The following ANXA8 variants were observed in gnomAD, a reference collection of about 807,000 sequenced individuals.
ANXA8 encodes VAC-beta.
Under a neutral mutation model 26.8 loss-of-function variants are expected in ANXA8, and 9 were observed. The observed-to-expected ratio is 0.34, with a 90% confidence interval of 0.20 to 0.59. The LOEUF is 0.59. ANXA8 is among the 20% of genes least tolerant of loss of function. The pLI, the probability that ANXA8 is intolerant of heterozygous loss-of-function variation, is 0.84. For missense variants in ANXA8, 83 were observed against 238.5 expected (o/e 0.35, Z 4.29); for synonymous variants, 39 against 94.8 (o/e 0.41, Z 3.42).
chr10:47,587,971 C>T, the ANXA8 span, among the ~76,000 whole-genome samples: 4 of 144,756 alleles, frequency 2.8e-5, no homozygotes, highest in South Asian at 2.1e-4. Context: ...GTTTATCCCT[C>T]GAGCTGGCAC....
chr10:47,957,681 A>G, the ANXA8 span, among the ~76,000 whole-genome samples: 1 of 149,028 alleles, frequency 6.7e-6, no homozygotes, highest in African/African-American at 2.5e-5. Context: ...CCGAAATCAC[A>G]GTGTCACAGG....
the ANXA8 span, among the ~76,000 whole-genome samples, chr10:47,664,492 C>T: frequency 8.6e-5 from 13 of 151,608 alleles, 1 homozygote; most frequent in South Asian, 2.1e-4. Context: ...CGCTTGAACT[C>T]GGGAGGCGGA....
the ANXA8 span, among the ~76,000 whole-genome samples, chr10:47,682,388 C>G: frequency 6.9e-6 from 1 of 144,438 alleles, no homozygotes; most frequent in Non-Finnish European, 1.5e-5. Context: ...AAACAGGACA[C>G]CAGAAGGGCA....
the ANXA8 span, among the ~76,000 whole-genome samples, chr10:47,585,642 C>G: frequency 6.9e-6 from 1 of 145,034 alleles, no homozygotes; most frequent in East Asian, 2.0e-4. Context: ...AACCACCAGA[C>G]TGCAGTCAGT....
the ANXA8 span, among the ~76,000 whole-genome samples, chr10:47,686,925 C>T: frequency 8.7e-5 from 13 of 149,262 alleles, no homozygotes; most frequent in South Asian, 4.3e-4. Context: ...TTTGTGGGGG[C>T]GGGGGGGTTG....
chr10:47,956,488 ACTGTATGC>A, the ANXA8 span, among the ~76,000 whole-genome samples: 1 of 137,966 alleles, frequency 7.2e-6, no homozygotes, highest in South Asian at 2.4e-4. Context: ...ACAGCATGTG[ACTGTATGC>A]ATATTCACCT....
the ANXA8 span, among the ~76,000 whole-genome samples, chr10:47,743,303 T>TATACATATATATATAC: frequency 1.9e-5 from 1 of 53,946 alleles, no homozygotes; most frequent in Non-Finnish European, 3.9e-5. Flanking sequence ...TACACATATA[T>TATACATATATATATAC]ATATATATAC....
intron 6 of ANXA8, among the ~76,000 whole-genome samples, chr10:47,475,228 G>A (rs1436454280): frequency 6.8e-6 from 1 of 147,414 alleles, no homozygotes; most frequent in Admixed American, 6.7e-5. Context: ...GCTAAGGTAA[G>A]CAAAGTGCCT....
chr10:47,600,121 T>C, the ANXA8 span, among the ~76,000 whole-genome samples: 1 of 149,420 alleles, frequency 6.7e-6, no homozygotes, highest in Non-Finnish European at 1.5e-5. Flanking sequence ...ATCGGATGTT[T>C]TGTGATTTAG....
the ANXA8 span, among the ~76,000 whole-genome samples, chr10:47,977,319 C>T: frequency 6.7e-6 from 1 of 149,916 alleles, no homozygotes; most frequent in South Asian, 2.1e-4. Context: ...GAAGCAACAA[C>T]AAATTGTGAA....
At chr10:47,540,965 TA>T in the ANXA8 span, among the ~76,000 whole-genome samples, 1 of 139,040 alleles carries the variant, frequency 7.2e-6, no homozygotes, top group Non-Finnish European at 1.6e-5. Flanking sequence ...GCACAATAGA[TA>T]AAAGTATGAA....
At chr10:47,967,919 T>A in the ANXA8 span, among the ~76,000 whole-genome samples, 1 of 142,800 alleles carries the variant, frequency 7.0e-6, no homozygotes, top group South Asian at 2.3e-4. Flanking sequence ...ACAAAAGACA[T>A]TTATTCAGCG....
At chr10:47,952,511 A>G in the ANXA8 span, among the ~76,000 whole-genome samples, 2 of 149,296 alleles carry the variant, frequency 1.3e-5, no homozygotes, top group Non-Finnish European at 3.0e-5. Flanking sequence ...TGTCTATAGT[A>G]CCATTTGAAA....
At chr10:47,776,119 A>G in the ANXA8 span, among the ~76,000 whole-genome samples, 394 of 152,126 alleles carry the variant, frequency 2.6e-3, 1 homozygote, top group Non-Finnish European at 4.0e-3. Flanking sequence ...CCGGTCTGGG[A>G]AGCTCCATGA....
chr10:47,947,824 C>A, the ANXA8 span, among the ~76,000 whole-genome samples: 4 of 150,468 alleles, frequency 2.7e-5, no homozygotes, highest in African/African-American at 7.4e-5. Context: ...ATTAGTACAA[C>A]AGGGTTCCCC....
the ANXA8 span, among the ~76,000 whole-genome samples, chr10:47,573,107 C>T: frequency 3.7e-4 from 54 of 146,466 alleles, no homozygotes; most frequent in African/African-American, 1.2e-3. Flanking sequence ...CTCAGCCTCC[C>T]GAATAGCTGG....
At chr10:47,516,732 T>C in the ANXA8 span, among the ~76,000 whole-genome samples, 3 of 132,900 alleles carry the variant, frequency 2.3e-5, 1 homozygote, top group Non-Finnish European at 4.6e-5. Flanking sequence ...AAGGAACAGA[T>C]GTGTTTTTGC....
At chr10:47,777,104 A>G in the ANXA8 span, among the ~76,000 whole-genome samples, 1 of 151,990 alleles carries the variant, frequency 6.6e-6, no homozygotes, top group East Asian at 1.9e-4. Context: ...CCGTATCTCC[A>G]GATAAAAAAA....
chr10:47,987,566 G>GC, the ANXA8 span, among the ~76,000 whole-genome samples: 1 of 143,728 alleles, frequency 7.0e-6, no homozygotes, highest in Admixed American at 6.9e-5. Context: ...ATCACACAGG[G>GC]CCCCCCTTGG....
Sources: gnomAD v4.1 joint callset for allele counts (sites outside exome capture counted in the v4.1 genomes callset) on GRCh38, gnomAD v4.1.1 for gene constraint, MANE v1.5 for transcripts, NCBI Gene and HGNC (gene_info 2026-07-23, HGNC 2026-07-21) for gene names.